STXBP5L: variants seen among roughly 807,000 people sequenced by gnomAD.
The protein encoded by STXBP5L is syntaxin-binding protein 5-like.
Under a neutral mutation model 144.5 loss-of-function variants are expected in STXBP5L, and 65 were observed. The ratio of observed to expected loss-of-function variants is 0.45; its 90% CI spans 0.37 to 0.55. The LOEUF (loss-of-function observed/expected upper bound fraction) is 0.55. STXBP5L is among the 20% of genes least tolerant of loss of function. The probability of loss-of-function intolerance (pLI) is 0.00; values close to 1 mark genes in which losing one functional copy is unlikely to be tolerated. For missense variants in STXBP5L, 1,298 were observed against 1,405.5 expected (o/e 0.92, Z 1.22); for synonymous variants, 505 against 469.6 (o/e 1.08, Z -0.97).
At chr3:121,373,237 G>T (rs190665935) in intron 20 of STXBP5L, among the ~76,000 whole-genome samples, 6 of 152,360 alleles carry the variant, frequency 3.9e-5, no homozygotes, top group South Asian at 4.1e-4. Context: ...ACCTAGGAGG[G>T]ATGCTCCAAT....
chr3:121,095,060 G>T (rs2043041739), intron 5 of STXBP5L, among the ~76,000 whole-genome samples: 1 of 152,042 alleles, frequency 6.6e-6, no homozygotes, highest in South Asian at 2.1e-4. Flanking sequence ...TAGTTTGGCT[G>T]GATATGAAAT....
intron 5 of STXBP5L, among the ~76,000 whole-genome samples, chr3:121,058,693 T>C (rs1360003319): frequency 1.8e-4 from 27 of 152,242 alleles, no homozygotes; most frequent in Admixed American, 1.8e-3. Flanking sequence ...TGGTATCTCA[T>C]TGTGGTTTTG....
chr3:121,390,333 C>T (rs1346924780), intron 22 of STXBP5L, among the ~76,000 whole-genome samples: 1 of 152,116 alleles, frequency 6.6e-6, no homozygotes, highest in Non-Finnish European at 1.5e-5. Flanking sequence ...GGTCTTGACT[C>T]TTCATCCAAT....
intron 5 of STXBP5L, among the ~76,000 whole-genome samples, chr3:121,067,081 CT>C (rs889509889): frequency 3.3e-5 from 5 of 151,750 alleles, no homozygotes; most frequent in African/African-American, 1.2e-4. Context: ...AATAAGTCTT[CT>C]GGAGATTTAT....
intron 5 of STXBP5L, among the ~76,000 whole-genome samples, chr3:121,109,717 G>C (rs1392816854): frequency 1.3e-5 from 2 of 152,154 alleles, no homozygotes; most frequent in Non-Finnish European, 1.5e-5. Context: ...AGAGAGTTCT[G>C]TAGATACCCA....
intron 5 of STXBP5L, among the ~76,000 whole-genome samples, chr3:121,056,488 C>A (rs1378025023): frequency 6.6e-6 from 1 of 152,126 alleles, no homozygotes; most frequent in East Asian, 1.9e-4. Context: ...GTTGAAAACT[C>A]CATAATTTAT....
chr3:121,095,668 A>T (rs914204560), intron 5 of STXBP5L, among the ~76,000 whole-genome samples: 70 of 152,092 alleles, frequency 4.6e-4, no homozygotes, highest in Non-Finnish European at 8.5e-4. Flanking sequence ...TACATTGGTT[A>T]TTCTAGTTAG....
intron 9 of STXBP5L, among the ~76,000 whole-genome samples, chr3:121,199,826 G>T (rs1277223569): frequency 1.3e-5 from 2 of 151,922 alleles, no homozygotes; most frequent in South Asian, 2.1e-4. Context: ...CATCCCAGGG[G>T]TGAAGTCGAC....
chr3:121,079,012 G>A (rs186660226), intron 5 of STXBP5L, among the ~76,000 whole-genome samples: 13 of 152,348 alleles, frequency 8.5e-5, no homozygotes, highest in South Asian at 2.1e-4. Flanking sequence ...ACAGTGCAGC[G>A]GTGGGCTGAA....
intron 3 of STXBP5L, among the ~76,000 whole-genome samples, chr3:120,978,520 C>A (rs534271316): frequency 1.1e-4 from 17 of 152,216 alleles, no homozygotes; most frequent in African/African-American, 3.9e-4. Flanking sequence ...GTAGTTTGAT[C>A]GTCTGAAGCC....
At chr3:121,337,062 G>C (rs1380478045) in intron 20 of STXBP5L, among the ~76,000 whole-genome samples, 1 of 152,096 alleles carries the variant, frequency 6.6e-6, no homozygotes, top group Non-Finnish European at 1.5e-5. Context: ...AGAACACGTG[G>C]ACACAGAGGA....
chr3:121,209,610 G>A (rs987763482), intron 10 of STXBP5L, among the ~76,000 whole-genome samples: 2 of 151,778 alleles, frequency 1.3e-5, no homozygotes, highest in Non-Finnish European at 1.5e-5. Context: ...AGGCCCCAGT[G>A]TGTGATGTTC....
chr3:120,992,536 G>A (rs1333914237), intron 3 of STXBP5L, among the ~76,000 whole-genome samples: 2 of 151,930 alleles, frequency 1.3e-5, no homozygotes, highest in African/African-American at 2.4e-5. Flanking sequence ...CTACATATGA[G>A]TGAGAATATG....
At chr3:121,404,836 T>C (rs1197106107) in intron 22 of STXBP5L, among the ~76,000 whole-genome samples, 2 of 152,156 alleles carry the variant, frequency 1.3e-5, no homozygotes, top group Non-Finnish European at 2.9e-5. Flanking sequence ...TTCCCTTCTT[T>C]ATTAGTTTGC....
At chr3:121,205,026 A>G (rs903085261) in intron 9 of STXBP5L, among the ~76,000 whole-genome samples, 1 of 152,222 alleles carries the variant, frequency 6.6e-6, no homozygotes, top group Admixed American at 6.5e-5. Context: ...GGAAGTTTTT[A>G]AAAATGTATT....
chr3:121,270,464 T>G (rs886746292), intron 18 of STXBP5L, among the ~76,000 whole-genome samples: 5 of 152,108 alleles, frequency 3.3e-5, no homozygotes, highest in African/African-American at 1.2e-4. Flanking sequence ...CTTCAGCATT[T>G]TTTTTTTAGA....
intron 14 of STXBP5L, among the ~76,000 whole-genome samples, chr3:121,248,862 A>T (rs990196690): frequency 6.6e-6 from 1 of 152,164 alleles, no homozygotes; most frequent in Non-Finnish European, 1.5e-5. Context: ...TCTTTTGCAT[A>T]TGGCTAGCCA....
chr3:121,257,281 A>T lies in STXBP5L; in HGVS notation c.1780A>T (p.Thr594Ser), dbSNP rs796125981. Residue 594 changes from threonine to serine, a missense_variant, in exon 17 of 27, where the codon ACT (threonine) becomes TCT (serine). Coordinates refer to ENST00000471454, the MANE Select transcript of STXBP5L (RefSeq NM_001308330.2). ...LPSSRSLSGS[T>S]NTVASEGVTK... ...TTCTTCAAGGAGTCTTTCTGGGAGCACTAACACTGTTGCTAGTGAAGGAGT... is the reference window on the plus strand; with the variant it reads ...TTCTTCAAGGAGTCTTTCTGGGAGCTCTAACACTGTTGCTAGTGAAGGAGT... 4 of 1,613,706 alleles carry T rather than the reference A, an allele frequency of 2.5e-6. No individual in the cohort carries two copies. In the Admixed American group the frequency reaches 6.7e-5, roughly 27 times the overall value.
chr3:120,914,298 T>G (rs566075695), intron 2 of STXBP5L, among the ~76,000 whole-genome samples: 15 of 152,198 alleles, frequency 9.9e-5, no homozygotes, highest in East Asian at 9.6e-4. Flanking sequence ...CCTAAATTTC[T>G]GAATAAACTC....
Sources: gnomAD v4.1 joint callset for allele counts (sites outside exome capture counted in the v4.1 genomes callset) on GRCh38, gnomAD v4.1.1 for gene constraint, MANE v1.5 for transcripts, NCBI Gene and HGNC (gene_info 2026-07-23, HGNC 2026-07-21) for gene names.